TFEC: variants seen among roughly 807,000 people sequenced by gnomAD.
The protein encoded by TFEC is transcription factor EC, also known as class E basic helix-loop-helix protein 34.
TFEC carries 31 observed loss-of-function variants against 41.6 expected under a neutral mutation model. The ratio of observed to expected loss-of-function variants is 0.74; its 90% CI spans 0.56 to 1.01. The LOEUF (loss-of-function observed/expected upper bound fraction) is 1.01, where lower values mean the gene tolerates loss of function less well. Ranked by LOEUF, TFEC falls within the 50% of genes least tolerant of loss-of-function variation. The pLI, the probability that TFEC is intolerant of heterozygous loss-of-function variation, is 0.00. For synonymous variants in TFEC, 143 were observed against 140.6 expected (o/e 1.02, Z -0.12); for missense variants, 402 against 404.1 (o/e 0.99, Z 0.04).
chr7:115,997,399 G>T (rs1794409969), intron 1 of TFEC, among the ~76,000 whole-genome samples: 2 of 152,194 alleles, frequency 1.3e-5, no homozygotes, highest in Non-Finnish European at 1.5e-5. Flanking sequence ...GCCTCCTAAT[G>T]CAGATACCAC....
In TFEC at chr7:116,015,494, G is replaced by A. The variant is rs534975403; in HGVS notation, c.-73+15139C>T. Among the ~76,000 whole-genome samples, 6 of 152,138 alleles carry A rather than the reference G, an allele frequency of 3.9e-5. No homozygotes were observed. The East Asian group carries it at 5.8e-4, about 15-fold the overall frequency. ...CCCTAAGCTTTGTTCTTACAGCCCC[G>A]ATGACACACTTGAGGCTTTTAGTAG... On this transcript the variant is annotated intron_variant, in intron 1 of 7. Coordinates refer to ENST00000265440, the MANE Select transcript of TFEC (RefSeq NM_012252.4).
intron 3 of TFEC, among the ~76,000 whole-genome samples, chr7:116,062,173 G>A (rs1796573197): frequency 7.1e-6 from 1 of 140,454 alleles, no homozygotes; most frequent in Non-Finnish European, 1.5e-5. Context: ...TGATTCTTGT[G>A]CCTCAGCCTC....
intron 3 of TFEC, among the ~76,000 whole-genome samples, chr7:116,044,391 C>T (rs1457787236): frequency 1.3e-5 from 2 of 152,052 alleles, no homozygotes; most frequent in African/African-American, 4.8e-5. Flanking sequence ...TTTTTATATT[C>T]AAAATAAGAA....
At chr7:115,980,571 G>A (rs561723871) in intron 2 of TFEC, among the ~76,000 whole-genome samples, 76 of 152,110 alleles carry the variant, frequency 5.0e-4, no homozygotes, top group Non-Finnish European at 9.7e-4. Flanking sequence ...CCAATACGGC[G>A]AAACTCCGTC....
chr7:116,012,988 C>G (rs1220438464), intron 1 of TFEC, among the ~76,000 whole-genome samples: 1 of 151,940 alleles, frequency 6.6e-6, no homozygotes, highest in Non-Finnish European at 1.5e-5. Context: ...GTATTCTAGT[C>G]TAACCATTTT....
chr7:116,154,699 C>T (rs977776852), intron 1 of TFEC, among the ~76,000 whole-genome samples: 31 of 152,232 alleles, frequency 2.0e-4, no homozygotes, highest in Admixed American at 1.7e-3. Flanking sequence ...CTCCCAGGTT[C>T]TGTTTTATTA....
intron 3 of TFEC, among the ~76,000 whole-genome samples, chr7:116,080,151 T>C (rs1797054783): frequency 6.6e-6 from 1 of 152,058 alleles, no homozygotes; most frequent in Non-Finnish European, 1.5e-5. Flanking sequence ...AACTAGATCC[T>C]CATCTCTCAC....
rs1400618373 is a variant in TFEC at position 116,062,599 on chromosome 7, A to ATATG, written c.198+48108_198+48109insCATA. ...TATATATATATATATATATATATAT[A>ATATG]TCACATTTTTTTACTTGTTGATTGA... On this transcript the variant is annotated intron_variant, in intron 3 of 8. Transcript: ENST00000484212. Among the ~76,000 whole-genome samples, 28 of 120,024 alleles carry ATATG rather than the reference A, an allele frequency of 2.3e-4. 1 individual carries two copies. The highest frequency in any genetic ancestry group is 3.7e-4 in the Non-Finnish European group (21 of 56,886). 78.7% of individuals were successfully genotyped at this position (120,024 alleles called of 152,430 possible).
At chr7:116,127,124 GTCTGCACTCCACCCAGGC>G (rs892035749) in intron 1 of TFEC, among the ~76,000 whole-genome samples, 2 of 151,332 alleles carry the variant, frequency 1.3e-5, no homozygotes, top group African/African-American at 4.9e-5. Context: ...TTGAGACGGA[GTCTGCACTCCACCCAGGC>G]TGGAGTGCAG....
intron 2 of TFEC, among the ~76,000 whole-genome samples, chr7:115,975,307 C>G (rs1793331137): frequency 6.6e-6 from 1 of 152,000 alleles, no homozygotes. Flanking sequence ...GTGATATAAA[C>G]TCAAATATAT....
intron 3 of TFEC, among the ~76,000 whole-genome samples, chr7:116,064,004 TCA>T (rs1796633726): frequency 6.6e-6 from 1 of 152,168 alleles, no homozygotes; most frequent in South Asian, 2.1e-4. Flanking sequence ...CTGAATGATC[TCA>T]CTTATATAGA....
intron 1 of TFEC, among the ~76,000 whole-genome samples, chr7:116,016,681 T>A (rs1481886208): frequency 2.0e-5 from 3 of 151,778 alleles, no homozygotes; most frequent in Admixed American, 6.6e-5. Flanking sequence ...AGCTACGTAG[T>A]ATATATAATA....
At chr7:116,028,203 C>T (rs968354831) in intron 1 of TFEC, among the ~76,000 whole-genome samples, 119 of 152,264 alleles carry the variant, frequency 7.8e-4, no homozygotes, top group African/African-American at 2.8e-3. Context: ...ATGGCCAAGA[C>T]TTTTTATGCT....
chr7:116,087,086 C>T (rs1182423126), intron 3 of TFEC, among the ~76,000 whole-genome samples: 1 of 151,866 alleles, frequency 6.6e-6, no homozygotes, highest in Non-Finnish European at 1.5e-5. Flanking sequence ...CTGTTCGGTG[C>T]ATGAATTACA....
At chr7:116,127,298 T>C (rs1273691762) in intron 1 of TFEC, among the ~76,000 whole-genome samples, 6 of 152,264 alleles carry the variant, frequency 3.9e-5, no homozygotes, top group Admixed American at 3.9e-4. Flanking sequence ...GGTTTCACCA[T>C]GGTCTTGATC....
At chr7:116,020,726 T>C (rs1012115672) in intron 1 of TFEC, among the ~76,000 whole-genome samples, 2 of 152,174 alleles carry the variant, frequency 1.3e-5, no homozygotes, top group Admixed American at 6.5e-5. Context: ...TTTAAAGTTG[T>C]TATTGACACT....
intron 1 of TFEC, among the ~76,000 whole-genome samples, chr7:116,147,836 G>C (rs771433329): frequency 3.9e-5 from 6 of 152,100 alleles, no homozygotes; most frequent in Non-Finnish European, 8.8e-5. Flanking sequence ...AATATATTAT[G>C]TACTTACTAT....
chr7:116,013,234 G>T (rs1249509884), intron 1 of TFEC, among the ~76,000 whole-genome samples: 1 of 151,964 alleles, frequency 6.6e-6, no homozygotes, highest in African/African-American at 2.4e-5. Context: ...GAATTTTTGT[G>T]TTTTAAATGC....
intron 3 of TFEC, among the ~76,000 whole-genome samples, chr7:115,972,362 T>C (rs1793172287): frequency 6.6e-6 from 1 of 152,118 alleles, no homozygotes; most frequent in African/African-American, 2.4e-5. Flanking sequence ...ATATTTTTCA[T>C]TATTCCCATA....
Sources: gnomAD v4.1 joint callset for allele counts (sites outside exome capture counted in the v4.1 genomes callset) on GRCh38, gnomAD v4.1.1 for gene constraint, MANE v1.5 for transcripts, NCBI Gene and HGNC (gene_info 2026-07-23, HGNC 2026-07-21) for gene names.